The following ATXN2 variants were observed in gnomAD, a reference collection of about 807,000 sequenced individuals.
The protein encoded by ATXN2 is ataxin-2.
Under a neutral mutation model 138.6 loss-of-function variants are expected in ATXN2, and 37 were observed. The observed-to-expected ratio is 0.27, with a 90% CI of 0.21 to 0.35. The LOEUF (loss-of-function observed/expected upper bound fraction) is 0.35. Ranked by LOEUF, ATXN2 falls within the 10% of genes least tolerant of loss-of-function variation. The pLI, the probability that ATXN2 is intolerant of heterozygous loss-of-function variation, is 1.00. For missense variants in ATXN2, 1,216 were observed against 1,480.3 expected, an observed-to-expected ratio of 0.82 and a Z score of 2.93; for synonymous variants, 549 against 543.7, an observed-to-expected ratio of 1.01 and a Z score of -0.13.
intron 1 of ATXN2, among the ~76,000 whole-genome samples, chr12:111,578,229 T>C (rs747265126): frequency 6.6e-6 from 1 of 152,098 alleles, no homozygotes; most frequent in African/African-American, 2.4e-5. Context: ...TTTATCAATT[T>C]AGTGTATCCT....
chr12:111,501,103 T>C (rs7970626), intron 14 of ATXN2, among the ~76,000 whole-genome samples: 15,516 of 152,084 alleles, frequency 0.1, 2,648 homozygotes, highest in African/African-American at 0.35. Context: ...TATGCCTTTA[T>C]CTAAATATCT....
At chr12:111,454,863 C>T (rs1049823842) in intron 23 of ATXN2, 3 of 556,550 alleles carry the variant, frequency 5.4e-6, no homozygotes, top group Non-Finnish European at 9.7e-6. Flanking sequence ...CTCTGGTAGA[C>T]ACCTACAGGA....
At chr12:111,457,382 A>T (rs781011377) in intron 21 of ATXN2, 23 bp from the exon 22 acceptor site, 2 of 1,596,426 alleles carry the variant, frequency 1.3e-6, no homozygotes, top group South Asian at 2.3e-5. Flanking sequence ...AAAAAGGAGC[A>T]TGTACACAAC....
At chr12:111,525,875 G>C (rs1880464905) in intron 5 of ATXN2, among the ~76,000 whole-genome samples, 1 of 151,548 alleles carries the variant, frequency 6.6e-6, no homozygotes, top group Non-Finnish European at 1.5e-5. Flanking sequence ...TAGTAGACGG[G>C]GTTTCACCGT....
At chr12:111,583,965 A>G (rs559930839) in intron 1 of ATXN2, among the ~76,000 whole-genome samples, 14 of 152,136 alleles carry the variant, frequency 9.2e-5, no homozygotes, top group African/African-American at 3.1e-4. Context: ...CTGTATTTCT[A>G]TTTGCCAAAT....
intron 1 of ATXN2, among the ~76,000 whole-genome samples, chr12:111,590,177 G>C (rs1208058754): frequency 6.6e-6 from 1 of 152,124 alleles, no homozygotes; most frequent in African/African-American, 2.4e-5. Context: ...TTATGCCACT[G>C]CTTTCCAGAC....
intron 5 of ATXN2, among the ~76,000 whole-genome samples, chr12:111,544,925 C>A (rs145825807): frequency 4.2e-4 from 63 of 150,774 alleles, no homozygotes; most frequent in African/African-American, 1.5e-3. Context: ...TTTGGGAGGC[C>A]GAGGCAGATG....
chr12:111,475,271 G>C (rs1173243833), intron 18 of ATXN2, among the ~76,000 whole-genome samples: 5 of 147,736 alleles, frequency 3.4e-5, no homozygotes, highest in African/African-American at 1.2e-4. Flanking sequence ...TTGAACCCCA[G>C]AGGGGGAGGT....
At chr12:111,554,427 T>C (rs913782298) in intron 2 of ATXN2, among the ~76,000 whole-genome samples, 1 of 152,214 alleles carries the variant, frequency 6.6e-6, no homozygotes, top group Non-Finnish European at 1.5e-5. Flanking sequence ...GTATTTACAT[T>C]TGCATATAAA....
At chr12:111,472,904 A>C (rs7486734) in intron 18 of ATXN2, among the ~76,000 whole-genome samples, 3 of 152,230 alleles carry the variant, frequency 2.0e-5, no homozygotes, top group African/African-American at 7.2e-5. Flanking sequence ...TATTGAAGGT[A>C]TACTTTGTTC....
At chr12:111,586,702 G>C (rs1884360662) in intron 1 of ATXN2, among the ~76,000 whole-genome samples, 1 of 151,088 alleles carries the variant, frequency 6.6e-6, no homozygotes, top group Non-Finnish European at 1.5e-5. Context: ...CTGTTTTTCA[G>C]TAGAGACAGG....
At position 111,509,894 on chromosome 12, in the gene ATXN2, T is replaced by C; in HGVS notation, c.1861A>G (p.Lys621Glu). 1.9e-6 allele frequency: 3 copies of C among 1,605,218 alleles called. No individual in the cohort carries two copies. Among genetic ancestry groups the C allele is most frequent in the Non-Finnish European group, 2.6e-6 (3 of 1,172,600 alleles). The change falls in exon 13 of 25, where the codon AAA becomes GAA. Residue 621 changes from lysine (K) to glutamate (E), a missense_variant. This residue lies in a region of ATXN2 where 215 missense variants were observed against 210.0 expected (regional missense o/e 1.02). Coordinates refer to ENST00000673436, the MANE Select transcript of ATXN2 (RefSeq NM_001372574.1). ...TAATGACTCTTTAAACTCTAACCTT[T>C]GTTTTCAGCTTTTGAGAAGCTAGGT... Reference protein sequence around the residue: ...TSPSFSKAENKGISPVVSEHR... With the variant: ...TSPSFSKAENEGISPVVSEHR...
Position 111,456,178 on chromosome 12 carries a change from C to T in ATXN2, c.3121G>A (p.Ala1041Thr), listed in dbSNP as rs749524871. ...QQSAIYHAGL[A>T]PTPPSMTPAS... ...GGTGTCATGGAGGGTGGAGTTGGCG[C>T]AAGCCCCGCGTGGTAAATGGCTGAC... The change falls in exon 23 of 25, where the codon GCG becomes ACG. Residue 1041 changes from alanine to threonine, a missense_variant. Around this residue, in one of 4 missense-constraint regions of ATXN2, gnomAD observed 490 missense variants for 653.5 expected, o/e 0.75. Transcript: ENST00000673436. The T allele has an allele frequency of 6.2e-7, 1 of 1,614,256 alleles. No individual in the cohort carries two copies. The highest frequency in any genetic ancestry group is 2.2e-5 in the East Asian group (1 of 44,894).
intron 1 of ATXN2, among the ~76,000 whole-genome samples, chr12:111,590,008 A>G (rs755905177): frequency 2.2e-4 from 33 of 151,472 alleles, no homozygotes; most frequent in Admixed American, 6.6e-4. Context: ...TCAGGAGTTC[A>G]AGACGAGCCT....
chr12:111,519,731 C>T (rs1880051929), intron 8 of ATXN2, 148 bp downstream of exon 8: 2 of 1,391,890 alleles, frequency 1.4e-6, no homozygotes, highest in South Asian at 2.9e-5. Context: ...TCACCATAAC[C>T]TTTTCTCTAA....
intron 1 of ATXN2, chr12:111,581,702 T>C (rs893570842): frequency 3.0e-6 from 2 of 677,310 alleles, no homozygotes; most frequent in East Asian, 2.8e-5. Flanking sequence ...CCTGAACATC[T>C]GGGCCCTGAT....
intron 14 of ATXN2, among the ~76,000 whole-genome samples, chr12:111,499,674 AAAAAC>A (rs1247741039): frequency 6.6e-6 from 1 of 152,022 alleles, no homozygotes; most frequent in Non-Finnish European, 1.5e-5. Context: ...ACTCTGTCTC[AAAAAC>A]AAAACAAAAC....
chr12:111,474,115 G>C (rs936612092), intron 18 of ATXN2, among the ~76,000 whole-genome samples: 2 of 152,142 alleles, frequency 1.3e-5, no homozygotes, highest in African/African-American at 4.8e-5. Context: ...CAGCTACTTG[G>C]GAGGTTGAGG....
intron 14 of ATXN2, among the ~76,000 whole-genome samples, chr12:111,494,501 C>G (rs887654430): frequency 2.0e-5 from 3 of 150,772 alleles, no homozygotes; most frequent in Non-Finnish European, 4.4e-5. Flanking sequence ...TATTGACTCA[C>G]TGCAACCTCT....
Sources: gnomAD v4.1 joint callset for allele counts (sites outside exome capture counted in the v4.1 genomes callset) on GRCh38, gnomAD v4.1.1 for gene constraint, gnomAD v4.1.1 regional missense constraint, MANE v1.5 for transcripts, NCBI Gene and HGNC (gene_info 2026-07-23, HGNC 2026-07-21) for gene names.